ABTB3: variants seen among roughly 807,000 people sequenced by gnomAD.
ABTB3 encodes ankyrin repeat- and BTB/POZ domain-containing protein 3.
the ABTB3 span, chr12:107,319,843 C>A: frequency 8.2e-7 from 1 of 1,218,244 alleles, no homozygotes; most frequent in Non-Finnish European, 1.1e-6. Flanking sequence ...GCGGCGCCTG[C>A]AGCGCAGCCA....
chr12:107,393,568 C>A, the ABTB3 span, among the ~76,000 whole-genome samples: 1 of 152,164 alleles, frequency 6.6e-6, no homozygotes, highest in African/African-American at 2.4e-5. Flanking sequence ...CCACAGTCCA[C>A]CCCACTTTAC....
the ABTB3 span, among the ~76,000 whole-genome samples, chr12:107,330,030 A>G: frequency 6.6e-6 from 1 of 152,178 alleles, no homozygotes; most frequent in Non-Finnish European, 1.5e-5. Flanking sequence ...GGCTTGAGTG[A>G]GGCTGGAATG....
the ABTB3 span, among the ~76,000 whole-genome samples, chr12:107,329,950 C>T: frequency 6.6e-6 from 1 of 152,106 alleles, no homozygotes; most frequent in Non-Finnish European, 1.5e-5. Context: ...GACATACAGG[C>T]TATTAGAGTC....
chr12:107,489,027 G>C, the ABTB3 span, among the ~76,000 whole-genome samples: 5 of 152,088 alleles, frequency 3.3e-5, no homozygotes, highest in Admixed American at 6.5e-5. Context: ...GGAGTACAAA[G>C]GCATCTCAAG....
chr12:107,387,843 C>G, the ABTB3 span, among the ~76,000 whole-genome samples: 1 of 152,096 alleles, frequency 6.6e-6, no homozygotes, highest in Non-Finnish European at 1.5e-5. Flanking sequence ...CATACAGGAG[C>G]TTTGTTGACT....
the ABTB3 span, among the ~76,000 whole-genome samples, chr12:107,412,876 G>A: frequency 2.0e-5 from 3 of 152,108 alleles, no homozygotes; most frequent in African/African-American, 7.2e-5. Flanking sequence ...TGAAGGACCT[G>A]CTAAAACTTC....
chr12:107,481,047 C>T, the ABTB3 span, among the ~76,000 whole-genome samples: 1 of 152,188 alleles, frequency 6.6e-6, no homozygotes, highest in Non-Finnish European at 1.5e-5. Flanking sequence ...TTTTGCTCCC[C>T]AGGGGACAAG....
the ABTB3 span, chr12:107,612,940 CT>C: frequency 2.8e-6 from 4 of 1,415,172 alleles, no homozygotes; most frequent in East Asian, 2.4e-5. Flanking sequence ...GAAAGGGGGG[CT>C]TTTTCTCCCA....
chr12:107,321,603 C>CCA, the ABTB3 span, among the ~76,000 whole-genome samples: 1,747 of 85,440 alleles, frequency 0.02, 18 homozygotes, highest in African/African-American at 0.04. Context: ...ATCTTCGAGG[C>CCA]CACACACACA....
the ABTB3 span, among the ~76,000 whole-genome samples, chr12:107,337,165 C>T: frequency 2.0e-5 from 3 of 152,226 alleles, no homozygotes; most frequent in Admixed American, 6.5e-5. Flanking sequence ...CACAATTCTC[C>T]GGGCGCAGCC....
At chr12:107,434,923 G>A in the ABTB3 span, among the ~76,000 whole-genome samples, 1 of 152,176 alleles carries the variant, frequency 6.6e-6, no homozygotes, top group Middle Eastern at 3.4e-3. Flanking sequence ...GGCACATGGA[G>A]GAGACAATAA....
At chr12:107,617,176 G>A in the ABTB3 span, 3 of 1,614,094 alleles carry the variant, frequency 1.9e-6, no homozygotes, top group Non-Finnish European at 2.5e-6. Context: ...GCTGGCAGCT[G>A]CTGTAGGTAA....
At chr12:107,428,402 C>T in the ABTB3 span, among the ~76,000 whole-genome samples, 1 of 152,156 alleles carries the variant, frequency 6.6e-6, no homozygotes, top group Non-Finnish European at 1.5e-5. Flanking sequence ...GCCCCTGGAG[C>T]ATGTTCAGCC....
chr12:107,370,810 A>G, the ABTB3 span, among the ~76,000 whole-genome samples: 6 of 89,368 alleles, frequency 6.7e-5, no homozygotes, highest in African/African-American at 1.3e-4. Context: ...TAAGCTTTTG[A>G]TCCCTTGGTT....
At chr12:107,569,446 T>G in the ABTB3 span, among the ~76,000 whole-genome samples, 3 of 152,204 alleles carry the variant, frequency 2.0e-5, no homozygotes, top group African/African-American at 7.2e-5. Flanking sequence ...TTCACAAGGT[T>G]GATGAACAAA....
At chr12:107,353,380 T>C in the ABTB3 span, among the ~76,000 whole-genome samples, 6 of 152,110 alleles carry the variant, frequency 3.9e-5, no homozygotes, top group Admixed American at 6.5e-5. Flanking sequence ...TTCCAGATTA[T>C]CAGCTGTGTA....
chr12:107,562,353 G>T, the ABTB3 span, among the ~76,000 whole-genome samples: 35 of 152,352 alleles, frequency 2.3e-4, no homozygotes, highest in African/African-American at 8.4e-4. Flanking sequence ...GGTCAGAGAA[G>T]TTTTCTCTAA....
chr12:107,331,728 T>A, the ABTB3 span, among the ~76,000 whole-genome samples: 2 of 152,180 alleles, frequency 1.3e-5, no homozygotes, highest in Non-Finnish European at 2.9e-5. Context: ...CTCATCCCCA[T>A]GTCAGTGCCT....
At chr12:107,567,221 A>G in the ABTB3 span, among the ~76,000 whole-genome samples, 8 of 152,248 alleles carry the variant, frequency 5.3e-5, no homozygotes, top group Non-Finnish European at 1.0e-4. Context: ...ACAAGTGTAA[A>G]TGACAGCATT....
Sources: allele counts gnomAD v4.1 joint callset (sites outside exome capture counted in the v4.1 genomes callset), GRCh38; gene constraint gnomAD v4.1.1; transcripts MANE v1.5; gene names NCBI Gene and HGNC (gene_info 2026-07-23, HGNC 2026-07-21).